HDAC9: variants seen among roughly 807,000 people sequenced by gnomAD.
HDAC9 encodes the protein histone deacetylase 9.
A neutral mutation model predicts 139.4 loss-of-function variants in HDAC9; 41 were observed. The ratio of observed to expected loss-of-function variants is 0.29; its 90% CI spans 0.23 to 0.38. The LOEUF (loss-of-function observed/expected upper bound fraction) is 0.38. Ranked by LOEUF, HDAC9 falls within the 10% of genes least tolerant of loss-of-function variation. The pLI is 1.00. For missense variants in HDAC9, 1,147 were observed against 1,297.0 expected (o/e 0.88, Z 1.78); for synonymous variants, 517 against 476.2 (o/e 1.09, Z -1.12).
chr7:18,389,602 A>G (rs1786267200), intron 1 of HDAC9, among the ~76,000 whole-genome samples: 1 of 152,174 alleles, frequency 6.6e-6, no homozygotes, highest in Non-Finnish European at 1.5e-5. Context: ...GCTGGGTTGT[A>G]TATGGTAGGA....
rs556580531 is a variant in HDAC9, at chr7:18,184,582, A to G, written c.25+22233A>G. On this transcript the variant is annotated intron_variant, in intron 2 of 12. Transcript: ENST00000417496. ...ACCTGAGGTAAGGTGAGGAATTTCC[A>G]CGTGTGGCATCATGTTGGTGTTCAA... Among the ~76,000 whole-genome samples, 39 of 152,310 alleles carry G rather than the reference A, an allele frequency of 2.6e-4. 1 individual carries two copies. The South Asian group carries it at 7.7e-3, about 30-fold the overall frequency.
chr7:18,723,397 G>T (rs1001826298), intron 12 of HDAC9, among the ~76,000 whole-genome samples: 1 of 152,156 alleles, frequency 6.6e-6, no homozygotes, highest in Non-Finnish European at 1.5e-5. Flanking sequence ...CCTAAATTTT[G>T]TTGCCAACCC....
At chr7:18,111,822 G>T (rs1429812231) in intron 1 of HDAC9, among the ~76,000 whole-genome samples, 1 of 152,214 alleles carries the variant, frequency 6.6e-6, no homozygotes, top group Non-Finnish European at 1.5e-5. Flanking sequence ...TAAAGTAAAT[G>T]TAAGAGGTGC....
At chr7:18,582,181 A>G (rs2128786580) in intron 2 of HDAC9, among the ~76,000 whole-genome samples, 1 of 152,300 alleles carries the variant, frequency 6.6e-6, no homozygotes, top group African/African-American at 2.4e-5. Flanking sequence ...TCACATGGAA[A>G]ATTAACTTTG....
intron 12 of HDAC9, among the ~76,000 whole-genome samples, chr7:18,680,360 A>C (rs979374401): frequency 3.9e-5 from 6 of 151,986 alleles, no homozygotes; most frequent in Admixed American, 3.3e-4. Flanking sequence ...TTTTATTTTA[A>C]CTTTGATTCA....
chr7:18,096,168 G>A (rs1013000326), intron 1 of HDAC9, among the ~76,000 whole-genome samples: 4 of 152,202 alleles, frequency 2.6e-5, no homozygotes, highest in African/African-American at 9.7e-5. Flanking sequence ...ATGGAGAACA[G>A]ATTATGTAGA....
At chr7:18,466,092 G>A (rs1335231322) in intron 1 of HDAC9, among the ~76,000 whole-genome samples, 1 of 152,214 alleles carries the variant, frequency 6.6e-6, no homozygotes, top group African/African-American at 2.4e-5. Flanking sequence ...GTTGGTGGCA[G>A]CATTCAATTC....
At chr7:18,324,883 C>G (rs1364217618) in intron 1 of HDAC9, among the ~76,000 whole-genome samples, 1 of 152,118 alleles carries the variant, frequency 6.6e-6, no homozygotes, top group Non-Finnish European at 1.5e-5. Flanking sequence ...TACTAAAATA[C>G]AGCAGATTGT....
chr7:18,940,111 T>C (rs1781922668), intron 23 of HDAC9, among the ~76,000 whole-genome samples: 1 of 152,310 alleles, frequency 6.6e-6, no homozygotes, highest in African/African-American at 2.4e-5. Flanking sequence ...CAGAATAATA[T>C]GTATTACATA....
chr7:18,776,756 A>G (rs1790802333), intron 16 of HDAC9, among the ~76,000 whole-genome samples: 1 of 151,874 alleles, frequency 6.6e-6, no homozygotes. Flanking sequence ...TCTTGTGGTG[A>G]CTGACTTAAA....
intron 2 of HDAC9, among the ~76,000 whole-genome samples, chr7:18,219,847 A>G (rs927651130): frequency 1.3e-5 from 2 of 152,192 alleles, no homozygotes; most frequent in Non-Finnish European, 2.9e-5. Context: ...TGGATAGAAT[A>G]TGTTGTCTGG....
intron 12 of HDAC9, among the ~76,000 whole-genome samples, chr7:18,723,215 T>A (rs1461610307): frequency 2.0e-5 from 3 of 152,192 alleles, no homozygotes; most frequent in Admixed American, 6.5e-5. Flanking sequence ...ATCTTAAGGA[T>A]GATTTTATAT....
chr7:18,673,392 A>G (rs1312536607), intron 12 of HDAC9, among the ~76,000 whole-genome samples: 1 of 152,096 alleles, frequency 6.6e-6, no homozygotes, highest in Non-Finnish European at 1.5e-5. Flanking sequence ...TAGTAGCCAC[A>G]TGTACCTATT....
intron 1 of HDAC9, among the ~76,000 whole-genome samples, chr7:18,123,341 T>C (rs1784468812): frequency 6.6e-6 from 1 of 152,150 alleles, no homozygotes; most frequent in Non-Finnish European, 1.5e-5. Flanking sequence ...TATAAACAAA[T>C]ATGTAACCCC....
intron 17 of HDAC9, among the ~76,000 whole-genome samples, chr7:18,824,501 T>C (rs1562966881): frequency 6.6e-6 from 1 of 152,190 alleles, no homozygotes; most frequent in African/African-American, 2.4e-5. Flanking sequence ...GAAGTCCCAG[T>C]GCAGATGAAG....
chr7:18,704,412 T>G (rs1230437137), intron 12 of HDAC9, among the ~76,000 whole-genome samples: 2 of 152,228 alleles, frequency 1.3e-5, no homozygotes, highest in Non-Finnish European at 2.9e-5. Context: ...TGCAGAAAAC[T>G]CTTATTGCAA....
intron 2 of HDAC9, among the ~76,000 whole-genome samples, chr7:18,241,050 A>T (rs1028743208): frequency 2.0e-5 from 3 of 152,150 alleles, no homozygotes; most frequent in African/African-American, 7.2e-5. Context: ...AGATACCCTT[A>T]GGGGATTAGG....
intron 1 of HDAC9, among the ~76,000 whole-genome samples, chr7:18,344,212 A>G (rs916153768): frequency 3.3e-5 from 5 of 151,950 alleles, no homozygotes; most frequent in African/African-American, 7.2e-5. Flanking sequence ...TGCAAATGCT[A>G]TGACTAGTGT....
chr7:18,940,838 A>G (rs548504887), intron 23 of HDAC9, among the ~76,000 whole-genome samples: 1 of 152,274 alleles, frequency 6.6e-6, no homozygotes, highest in African/African-American at 2.4e-5. Context: ...AGCAGTTGCC[A>G]TTCCTATGGA....
Sources: gnomAD v4.1 joint callset for allele counts (sites outside exome capture counted in the v4.1 genomes callset) on GRCh38, gnomAD v4.1.1 for gene constraint, MANE v1.5 for transcripts, NCBI Gene and HGNC (gene_info 2026-07-23, HGNC 2026-07-21) for gene names.